Variants in NUP210L observed in about 807,000 individuals in gnomAD.
The protein encoded by NUP210L is nuclear pore membrane glycoprotein 210-like.
A neutral mutation model predicts 208.5 loss-of-function variants in NUP210L; 74 were observed. That is an observed-to-expected ratio of 0.35 (90% CI 0.29 to 0.43). NUP210L has a LOEUF of 0.43. Ranked by LOEUF, NUP210L falls within the 20% of genes least tolerant of loss-of-function variation. NUP210L has a pLI of 1.00. For synonymous variants in NUP210L, 780 were observed against 816.9 expected, an observed-to-expected ratio of 0.95 and a Z score of 0.77; for missense variants, 1,843 against 2,289.4, an observed-to-expected ratio of 0.81 and a Z score of 3.98.
Position 154,025,534 on chromosome 1 carries a change from G to A in NUP210L, c.4122+8C>T. The stretch of plus-strand genomic sequence containing the variant: ...TATTTGTTTTTTTTAGTAAGTCCAT[G>A]AACTCACCTGGACCCCAGTTATGGT... On this transcript the variant is annotated splice_region_variant and intron_variant, in intron 30 of 39. Coordinates refer to ENST00000368559, the Ensembl canonical transcript of NUP210L. 1 of 1,581,606 alleles carries A rather than the reference G, an allele frequency of 6.3e-7. No homozygotes were observed. The highest frequency in any genetic ancestry group is 8.6e-7 in the Non-Finnish European group (1 of 1,159,624).
intron 16 of NUP210L, among the ~76,000 whole-genome samples, chr1:154,081,798 C>T (rs570300689): frequency 6.6e-6 from 1 of 152,010 alleles, no homozygotes; most frequent in East Asian, 1.9e-4. Flanking sequence ...CCTGGGCAAC[C>T]CAGTGAGACC....
intron 30 of NUP210L, among the ~76,000 whole-genome samples, chr1:154,023,944 TG>T (rs1651706379): frequency 6.6e-6 from 1 of 151,788 alleles, no homozygotes; most frequent in Non-Finnish European, 1.5e-5. Flanking sequence ...CCCGCCACAA[TG>T]CCCGGCTAAT....
intron 10 of NUP210L, among the ~76,000 whole-genome samples, chr1:154,122,904 A>T (rs6692035): frequency 0.3 from 45,737 of 151,222 alleles, 7,743 homozygotes; most frequent in Admixed American, 0.45. Context: ...CAAAAAAATT[A>T]GCTGGGAGTG....
intron 38 of NUP210L, among the ~76,000 whole-genome samples, chr1:153,993,978 T>A (rs1192362962): frequency 6.6e-6 from 1 of 152,148 alleles, no homozygotes; most frequent in East Asian, 1.9e-4. Context: ...ATTCCCTGTC[T>A]CAAGAAATCC....
intron 17 of NUP210L, among the ~76,000 whole-genome samples, chr1:154,063,413 A>G (rs1291458754): frequency 6.6e-6 from 1 of 152,206 alleles, no homozygotes; most frequent in Non-Finnish European, 1.5e-5. Context: ...TGAGAAAAAT[A>G]TAGGATATGT....
chr1:154,138,372 CTAATCA>C (rs1658657966), intron 5 of NUP210L, 134 bp from the exon 6 acceptor site: 1 of 685,788 alleles, frequency 1.5e-6, no homozygotes, highest in Non-Finnish European at 2.2e-6. Flanking sequence ...AAAAGCTTTC[CTAATCA>C]CAAGTCATAA....
exon 25 of NUP210L, chr1:154,054,388 G>A (rs1172757509): frequency 1.2e-6 from 2 of 1,614,106 alleles, no homozygotes; most frequent in Non-Finnish European, 1.7e-6. Context: ...TTGGGGCTGG[G>A]GGCCACCTTC....
intron 17 of NUP210L, among the ~76,000 whole-genome samples, chr1:154,068,921 C>T (rs577564749): frequency 6.6e-6 from 1 of 152,126 alleles, no homozygotes; most frequent in Admixed American, 6.6e-5. Context: ...CACATGTATA[C>T]ATATGTAACT....
chr1:153,993,208 C>A (rs937534964), intron 38 of NUP210L, 119 bp from the exon 39 acceptor site: 2 of 626,516 alleles, frequency 3.2e-6, no homozygotes, highest in East Asian at 6.0e-5. Context: ...ATAGTAATGG[C>A]ACTATTACAG....
intron 27 of NUP210L, among the ~76,000 whole-genome samples, chr1:154,045,178 C>T (rs755183831): frequency 6.6e-6 from 1 of 152,096 alleles, no homozygotes; most frequent in Non-Finnish European, 1.5e-5. Context: ...ACTACAGCTC[C>T]GTGGTACCCA....
At chr1:154,061,365 G>A (rs1256979482) in intron 18 of NUP210L, among the ~76,000 whole-genome samples, 5 of 151,708 alleles carry the variant, frequency 3.3e-5, no homozygotes, top group African/African-American at 9.7e-5. Context: ...GTGACAGAGC[G>A]AGACTTCATC....
At chr1:153,996,164 C>T (rs758460011) in intron 37 of NUP210L, among the ~76,000 whole-genome samples, 6 of 152,004 alleles carry the variant, frequency 3.9e-5, no homozygotes, top group Non-Finnish European at 8.8e-5. Context: ...TGGTGGCATG[C>T]ACCTGTAGTC....
chr1:154,146,400 G>T (rs1212497265), intron 2 of NUP210L, among the ~76,000 whole-genome samples: 3 of 152,138 alleles, frequency 2.0e-5, no homozygotes, highest in Non-Finnish European at 4.4e-5. Flanking sequence ...TGGAATATAT[G>T]AAGGAAATCG....
intron 6 of NUP210L, among the ~76,000 whole-genome samples, chr1:154,136,774 G>T (rs933863861): frequency 6.6e-6 from 1 of 151,320 alleles, no homozygotes; most frequent in Admixed American, 6.6e-5. Flanking sequence ...CAAAAAATTA[G>T]CTGGGCGTAG....
chr1:154,104,117 G>A, exon 13 of NUP210L: 1 of 1,613,730 alleles, frequency 6.2e-7, no homozygotes, highest in Non-Finnish European at 8.5e-7. Context: ...TTATTTATGT[G>A]ATACATTGCA....
chr1:154,145,200 C>T (rs1376698737), intron 2 of NUP210L, among the ~76,000 whole-genome samples: 1 of 151,618 alleles, frequency 6.6e-6, no homozygotes, highest in Non-Finnish European at 1.5e-5. Flanking sequence ...GTCAGACTGC[C>T]TGAGGTCAGG....
At chr1:154,147,356 C>G (rs890249358) in intron 2 of NUP210L, among the ~76,000 whole-genome samples, 1 of 146,682 alleles carries the variant, frequency 6.8e-6, no homozygotes, top group African/African-American at 2.5e-5. Flanking sequence ...CTGACCAGTA[C>G]TTTTTTTTTT....
chr1:154,085,255 CG>C (rs1443712612), intron 16 of NUP210L, among the ~76,000 whole-genome samples: 1 of 150,180 alleles, frequency 6.7e-6, no homozygotes, highest in East Asian at 2.0e-4. Flanking sequence ...GAGGCTGAGG[CG>C]GGAGAATGGT....
At chr1:154,111,485 A>C (rs1657036445) in intron 12 of NUP210L, among the ~76,000 whole-genome samples, 1 of 151,544 alleles carries the variant, frequency 6.6e-6, no homozygotes, top group African/African-American at 2.4e-5. Context: ...AATTTAAAGG[A>C]TCATTAGGGG....
Sources: allele counts gnomAD v4.1 joint callset (sites outside exome capture counted in the v4.1 genomes callset), GRCh38; gene constraint gnomAD v4.1.1; transcripts MANE v1.5; gene names NCBI Gene and HGNC (gene_info 2026-07-23, HGNC 2026-07-21).